Variants in PLXNC1 observed in about 807,000 individuals in gnomAD.
The protein encoded by PLXNC1 is plexin-C1.
PLXNC1 carries 75 observed loss-of-function variants against 178.2 expected under a neutral mutation model. The observed-to-expected ratio is 0.42, with a 90% confidence interval of 0.35 to 0.51. The LOEUF is 0.51. Among genes scored for constraint, PLXNC1 ranks in the 20% least tolerant of loss-of-function variants. The pLI is 0.02. For missense variants in PLXNC1, 1,503 were observed against 1,984.4 expected (o/e 0.76, Z 4.61); for synonymous variants, 790 against 779.9 (o/e 1.01, Z -0.22).
chr12:94,175,964 A>C (rs1006048158), intron 2 of PLXNC1, among the ~76,000 whole-genome samples: 9 of 152,228 alleles, frequency 5.9e-5, no homozygotes, highest in African/African-American at 2.2e-4. Context: ...GGCTTCTCAG[A>C]GGAGGTGATG....
At chr12:94,163,457 A>G (rs1018053004) in intron 1 of PLXNC1, among the ~76,000 whole-genome samples, 1 of 152,186 alleles carries the variant, frequency 6.6e-6, no homozygotes, top group East Asian at 1.9e-4. Context: ...TCGTCTTTTT[A>G]TAAGTAATTG....
At position 94,246,043 on chromosome 12, in the gene PLXNC1, T is replaced by G. The variant is rs369247649; in HGVS notation, c.2389-1860T>G. ...CAGTAGACTAGGGAAAGGGGAGGAT[T>G]CTGACCCAAAAGGCTTCGGTGTCCT... On this transcript the variant is annotated intron_variant, in intron 12 of 30. Transcript: ENST00000258526. Among the ~76,000 whole-genome samples the G allele has an allele frequency of 5.3e-5, 8 of 152,268 alleles. No homozygotes were observed. In the East Asian group the frequency reaches 1.5e-3, roughly 29 times the overall value.
chr12:94,210,471 A>G (rs1963435950), intron 5 of PLXNC1, among the ~76,000 whole-genome samples: 1 of 152,232 alleles, frequency 6.6e-6, no homozygotes, highest in Non-Finnish European at 1.5e-5. Flanking sequence ...GTCCTCTGTT[A>G]TGAATAACTG....
chr12:94,272,209 C>T (rs936725174), intron 21 of PLXNC1: 1 of 152,166 alleles, frequency 6.6e-6, no homozygotes, highest in African/African-American at 2.4e-5. Flanking sequence ...AGAACAGAGA[C>T]CCAAGATGTC....
chr12:94,201,877 G>A (rs576861751), intron 4 of PLXNC1, among the ~76,000 whole-genome samples: 17 of 144,360 alleles, frequency 1.2e-4, no homozygotes, highest in South Asian at 4.4e-4. Flanking sequence ...AGCAATTCTC[G>A]TGCCTCAGCT....
chr12:94,226,795 G>A (rs1028201146), intron 8 of PLXNC1, 88 bp downstream of exon 8: 37 of 940,160 alleles, frequency 3.9e-5, no homozygotes, highest in Admixed American at 1.2e-4. Context: ...AGGTCGAGGC[G>A]GGTGGATCAA....
intron 4 of PLXNC1, among the ~76,000 whole-genome samples, chr12:94,190,056 A>G (rs1300610741): frequency 1.3e-5 from 2 of 152,126 alleles, no homozygotes; most frequent in Non-Finnish European, 2.9e-5. Context: ...GATCTTCCAG[A>G]AGAGGCTGCA....
At chr12:94,184,188 C>G (rs1281927708) in intron 3 of PLXNC1, among the ~76,000 whole-genome samples, 1 of 151,610 alleles carries the variant, frequency 6.6e-6, no homozygotes, top group South Asian at 2.1e-4. Flanking sequence ...GCAATCTCAG[C>G]TCACTGCAAC....
At chr12:94,290,556 T>C (rs1356377406) in intron 23 of PLXNC1, among the ~76,000 whole-genome samples, 1 of 152,240 alleles carries the variant, frequency 6.6e-6, no homozygotes, top group African/African-American at 2.4e-5. Context: ...CACCAGCAGT[T>C]GGAGGCCTCT....
At position 94,215,700 on chromosome 12, in the gene PLXNC1, A is replaced by G. The variant is rs531683213; in HGVS notation, c.1555-4316A>G. ...GTAAAAATTTTAAAGAACAGATATC[A>G]TAAAATAAGAGGAAACAAAAATTAT... On this transcript the variant is annotated intron_variant, in intron 5 of 30. Coordinates refer to ENST00000258526, the MANE Select transcript of PLXNC1 (RefSeq NM_005761.3). Among the ~76,000 whole-genome samples, 246 of 152,294 alleles carry G rather than the reference A, an allele frequency of 1.6e-3. 2 individuals carry two copies. The highest frequency in any genetic ancestry group is 5.7e-3 in the African/African-American group (239 of 41,586).
At chr12:94,196,658 C>T (rs1962926877) in intron 4 of PLXNC1, among the ~76,000 whole-genome samples, 1 of 152,190 alleles carries the variant, frequency 6.6e-6, no homozygotes, top group Non-Finnish European at 1.5e-5. Context: ...TGTGACTGTT[C>T]CTCATTCAGA....
At chr12:94,166,380 T>C (rs1961610735) in intron 1 of PLXNC1, among the ~76,000 whole-genome samples, 1 of 152,166 alleles carries the variant, frequency 6.6e-6, no homozygotes, top group African/African-American at 2.4e-5. Context: ...AAATCACATT[T>C]ACAAAATTAC....
intron 23 of PLXNC1, among the ~76,000 whole-genome samples, chr12:94,291,244 C>CATA (rs1967288768): frequency 6.6e-6 from 1 of 152,184 alleles, no homozygotes; most frequent in Non-Finnish European, 1.5e-5. Flanking sequence ...TCTATTGAAG[C>CATA]ATAATTTTTG....
chr12:94,244,278 T>C (rs1964469983), intron 12 of PLXNC1, among the ~76,000 whole-genome samples: 1 of 152,246 alleles, frequency 6.6e-6, no homozygotes, highest in Admixed American at 6.5e-5. Flanking sequence ...TTTCTTTTTA[T>C]GTGATTTGTG....
At chr12:94,294,337 G>A (rs1967685349) in intron 23 of PLXNC1, 149 bp from the exon 24 acceptor site, 3 of 531,220 alleles carry the variant, frequency 5.6e-6, no homozygotes, top group Admixed American at 3.1e-5. Flanking sequence ...CCAGCCTCCA[G>A]CACAGTGCCC....
intron 4 of PLXNC1, among the ~76,000 whole-genome samples, chr12:94,199,072 C>G (rs540821190): frequency 2.6e-5 from 4 of 152,118 alleles, no homozygotes; most frequent in Admixed American, 2.0e-4. Context: ...AAATGGGGAG[C>G]GCTAGTTGGA....
At position 94,160,790 on chromosome 12, in the gene PLXNC1, T is replaced by G. The variant is rs1961356266; in HGVS notation, c.1063-8363T>G. Among the ~76,000 whole-genome samples, 3 of 152,346 alleles carry G rather than the reference T, an allele frequency of 2.0e-5. No homozygotes were observed. In the South Asian group the frequency reaches 6.2e-4, roughly 32 times the overall value. ...AATGCATGAAATGAAAACATTGGAT[T>G]GCAAAATAGATGTAATATATTAATA... On this transcript the variant is annotated intron_variant, in intron 1 of 30. Coordinates refer to ENST00000258526, the MANE Select transcript of PLXNC1 (RefSeq NM_005761.3).
intron 9 of PLXNC1, among the ~76,000 whole-genome samples, chr12:94,228,748 G>A (rs1410607542): frequency 6.6e-6 from 1 of 152,070 alleles, no homozygotes; most frequent in Non-Finnish European, 1.5e-5. Context: ...TCTTTTCTAA[G>A]GTTGACTAAT....
At position 94,158,378 on chromosome 12, in the gene PLXNC1, A is replaced by G. The variant is rs139614192; in HGVS notation, c.1062+8345A>G. Among the ~76,000 whole-genome samples, 30 of 152,348 alleles carry G rather than the reference A, an allele frequency of 2.0e-4. No individual in the cohort carries two copies. The Middle Eastern group carries it at 0.01, about 52-fold the overall frequency. ...ACGAGTGTGCAGGTCCAGATGGTGA[A>G]GGGCTTAATGAGACGGGCAAAGGTG... On this transcript the variant is annotated intron_variant, in intron 1 of 30. Transcript: ENST00000258526.
Sources: allele counts gnomAD v4.1 joint callset (sites outside exome capture counted in the v4.1 genomes callset), GRCh38; gene constraint gnomAD v4.1.1; transcripts MANE v1.5; gene names NCBI Gene and HGNC (gene_info 2026-07-23, HGNC 2026-07-21).